FSIP2: variants seen among roughly 807,000 people sequenced by gnomAD.
The protein encoded by FSIP2 is fibrous sheath interacting protein 2.
FSIP2 carries 367 observed loss-of-function variants against 510.5 expected under a neutral mutation model. That is an observed-to-expected ratio of 0.72 (90% CI 0.66 to 0.78). The LOEUF is 0.78. Ranked by LOEUF, FSIP2 falls within the 30% of genes least tolerant of loss-of-function variation. The pLI is 0.00. For missense variants in FSIP2, 7,594 were observed against 7,901.7 expected (o/e 0.96, Z 1.48); for synonymous variants, 2,601 against 2,732.2 (o/e 0.95, Z 1.50).
chr2:185,756,924 T>C (rs991119442), intron 9 of FSIP2, among the ~76,000 whole-genome samples: 1 of 151,310 alleles, frequency 6.6e-6, no homozygotes, highest in Non-Finnish European at 1.5e-5. Flanking sequence ...TCTTCCCGAG[T>C]ATGCAATTTG....
chr2:185,790,388 A>G lies in FSIP2; in HGVS notation c.3252A>G (p.Lys1084=). The G allele has an allele frequency of 3.3e-6, 5 of 1,527,570 alleles. No homozygotes were observed. Among genetic ancestry groups the G allele is most frequent in the South Asian group, 2.4e-5 (2 of 82,116 alleles). 94.6% of individuals were successfully genotyped at this position (1,527,570 alleles called of 1,614,324 possible). ...STNHEDILKK[K]LSSNKDISTF... ...ATCATGAAGATATTTTAAAGAAAAAACTTTCTTCGAATAAAGACATTTCAA... is the reference window on the plus strand; with the variant it reads ...ATCATGAAGATATTTTAAAGAAAAAGCTTTCTTCGAATAAAGACATTTCAA... Residue 1084 remains lysine (K), a synonymous_variant, in exon 16 of 23, where the codon AAA becomes AAG. Coordinates refer to ENST00000424728, the MANE Select transcript of FSIP2 (RefSeq NM_173651.4).
rs1338249372 is a variant in FSIP2, at chr2:185,802,498, A to C, written c.13192A>C (p.Ser4398Arg). 1 of 1,532,734 alleles carries C rather than the reference A, an allele frequency of 6.5e-7. No individual in the cohort carries two copies. The highest frequency in any genetic ancestry group is 1.2e-5 in the South Asian group (1 of 83,738). The allele number at this position is 1,532,734 out of a possible 1,614,324, so 94.9% of individuals were successfully genotyped here. ...TGCTGTTGATAAAGAGTCTGAAGAC[A>C]GTGGCATTTTTGTGGAAAATATTAC... is the stretch of plus-strand genomic sequence containing the variant. ...DLAVDKESED[S>R]GIFVENITNL... Residue 4398 changes from serine (S) to arginine (R), a missense_variant, in exon 17 of 23, where the codon AGT (serine) becomes CGT (arginine). Physicochemically the swap from Ser to Arg is moderately radical, Grantham distance 110. Coordinates refer to ENST00000424728, the MANE Select transcript of FSIP2 (RefSeq NM_173651.4).
intron 13 of FSIP2, among the ~76,000 whole-genome samples, chr2:185,778,467 T>G (rs1444082836): frequency 6.6e-6 from 1 of 152,092 alleles, no homozygotes; most frequent in Non-Finnish European, 1.5e-5. Flanking sequence ...TAAATCATGT[T>G]TAATATCCAA....
rs1231449224 is a variant in FSIP2 at position 185,796,216 on chromosome 2, T to C, written c.9080T>C (p.Leu3027Pro). Residue 3027 changes from leucine to proline, a missense_variant, in exon 16 of 23, where the codon CTT becomes CCT. By Grantham distance (98) the Leu-to-Pro change is moderately conservative (BLOSUM62 -3). Coordinates refer to ENST00000424728, the MANE Select transcript of FSIP2 (RefSeq NM_173651.4). The stretch of plus-strand genomic sequence containing the variant: ...ATTGTGAAAATGCCTATAGAAAACC[T>C]TTCTTCTATCCAACAGAAACTGTTA... ...SEIVKMPIEN[L>P]SSIQQKLLNK... The C allele has an allele frequency of 1.3e-6, 2 of 1,529,790 alleles. No homozygotes were observed. Among genetic ancestry groups the C allele is most frequent in the Middle Eastern group, 1.7e-4 (1 of 5,958 alleles). The allele number at this position is 1,529,790 out of a possible 1,614,324, so 94.8% of individuals were successfully genotyped here. A position where few individuals can be genotyped will look rare whatever the true frequency, so the allele number is the denominator to read the frequency against.
chr2:185,750,476 T>G lies in FSIP2; in HGVS notation c.870+3053T>G, dbSNP rs751820465. On this transcript the variant is annotated intron_variant, in intron 7 of 22. Coordinates refer to ENST00000424728, the MANE Select transcript of FSIP2 (RefSeq NM_173651.4). ...TGGTGATGTCACCCACTTTCCTTACTGATATGGTAATTTGTAACTTCTTTT... is the reference window on the plus strand; with the variant it reads ...TGGTGATGTCACCCACTTTCCTTACGGATATGGTAATTTGTAACTTCTTTT... Among the ~76,000 whole-genome samples the G allele has an allele frequency of 6.6e-5, 10 of 151,580 alleles. 1 individual carries two copies. The highest frequency in any genetic ancestry group is 1.3e-4 in the Non-Finnish European group (9 of 67,694).
chr2:185,754,070 C>T (rs1692197781), intron 8 of FSIP2, among the ~76,000 whole-genome samples: 1 of 151,382 alleles, frequency 6.6e-6, no homozygotes, highest in Admixed American at 6.6e-5. Context: ...CTTGCCTGTA[C>T]TGCATTTGTA....
intron 3 of FSIP2, 88 bp downstream of exon 3, chr2:185,743,382 G>C (rs1691963289): frequency 1.3e-6 from 1 of 764,222 alleles, no homozygotes; most frequent in Non-Finnish European, 1.9e-6. Context: ...CGGGGGGCCT[G>C]TGTCACTTTT....
Position 185,792,947 on chromosome 2 carries a change from ATCTC to A in FSIP2, c.5815_5818del (p.Leu1939PhefsTer22), listed in dbSNP as rs1693173285. Reference sequence around the variant, plus strand: ...AAACTTTTGCTACTTCCAAAGTAAAATCTCTCTTTTATTCTCAAGTCAACTTTAC... The same window carrying A: ...AAACTTTTGCTACTTCCAAAGTAAAATCTTTTATTCTCAAGTCAACTTTAC... On this transcript the variant is annotated frameshift_variant, in exon 16 of 23. Transcript: ENST00000424728. LOFTEE classifies it high-confidence loss of function. 6.5e-7 allele frequency: 1 copy of A among 1,534,156 alleles called. No individual in the cohort carries two copies. The highest frequency in any genetic ancestry group is 1.4e-5 in the African/African-American group (1 of 72,880).
At position 185,802,803 on chromosome 2, in the gene FSIP2, AG is replaced by A; in HGVS notation, c.13498del (p.Val4500Ter). On this transcript the variant is annotated frameshift_variant, in exon 17 of 23. Transcript: ENST00000424728. LOFTEE classifies it high-confidence loss of function. ...GAGACACCCAAAAAGATATATCAAG[AG>A]TGAATTTCAATGACATTGCTTCAAA... ...NRDTQKDISR[V>X]NFNDIASNLV... 1 of 1,521,066 alleles carries A rather than the reference AG, an allele frequency of 6.6e-7. No homozygotes were observed. The allele number at this position is 1,521,066 out of a possible 1,614,324, so 94.2% of individuals were successfully genotyped here.
At chr2:185,815,694 C>A (rs886385898) in intron 19 of FSIP2, among the ~76,000 whole-genome samples, 22 of 151,882 alleles carry the variant, frequency 1.4e-4, no homozygotes, top group Admixed American at 1.3e-3. Flanking sequence ...GTTTTCAAAC[C>A]AGTTTCTAGT....
At chr2:185,770,101 G>C (rs190872170) in intron 13 of FSIP2, among the ~76,000 whole-genome samples, 78 of 152,154 alleles carry the variant, frequency 5.1e-4, no homozygotes, top group Non-Finnish European at 8.4e-4. Flanking sequence ...TTTTCTTGTT[G>C]TGTGAAGAAT....
Position 185,797,013 on chromosome 2 carries a change from G to C in FSIP2, c.9877G>C (p.Glu3293Gln), listed in dbSNP as rs748234391. 1.3e-5 allele frequency: 20 copies of C among 1,535,112 alleles called. No individual in the cohort carries two copies. The highest frequency in any genetic ancestry group is 3.9e-5 in the Admixed American group (2 of 50,916). ...ATTAAAGCAAGTCTTGTCATTCATA[G>C]AAATGGGAAAAGGTGAAAATCTAAG... ...AALKQVLSFI[E>Q]MGKGENLRVF... The change falls in exon 16 of 23, where the codon GAA becomes CAA. Residue 3293 changes from glutamate to glutamine, a missense_variant. Glu to Gln is a conservative substitution (Grantham distance 29). Transcript: ENST00000424728.
At chr2:185,758,467 A>C (rs1012757483) in intron 9 of FSIP2, among the ~76,000 whole-genome samples, 1 of 151,382 alleles carries the variant, frequency 6.6e-6, no homozygotes, top group African/African-American at 2.4e-5. Context: ...TATATACTAT[A>C]ATCTTACAAT....
intron 11 of FSIP2, among the ~76,000 whole-genome samples, chr2:185,762,642 C>T (rs1400386853): frequency 1.3e-5 from 2 of 151,216 alleles, no homozygotes; most frequent in African/African-American, 4.8e-5. Flanking sequence ...TCTAAAAGTT[C>T]ACATTTTCTG....
At chr2:185,745,884 A>T (rs1435287228) in intron 5 of FSIP2, among the ~76,000 whole-genome samples, 1 of 152,180 alleles carries the variant, frequency 6.6e-6, no homozygotes, top group African/African-American at 2.4e-5. Context: ...ATTCATCTTT[A>T]AGAACTGACA....
At position 185,796,365 on chromosome 2, in the gene FSIP2, C is replaced by A; in HGVS notation, c.9229C>A (p.Gln3077Lys). 1 of 1,533,688 alleles carries A rather than the reference C, an allele frequency of 6.5e-7. No homozygotes were observed. Among genetic ancestry groups the A allele is most frequent in the Non-Finnish European group, 8.7e-7 (1 of 1,145,126 alleles). Reference protein sequence around the residue: ...ILLRVHSFHSQLLTYAVNIIS... With the variant: ...ILLRVHSFHSKLLTYAVNIIS... ...TCTACGGGTTCATTCATTCCATTCA[C>A]AATTACTTACATATGCTGTTAATAT... The change falls in exon 16 of 23, where the codon CAA becomes AAA. Residue 3077 changes from glutamine to lysine, a missense_variant. Gln to Lys is a moderately conservative substitution (Grantham distance 53). Coordinates refer to ENST00000424728, the MANE Select transcript of FSIP2 (RefSeq NM_173651.4).
At chr2:185,765,211 TAAGAC>T (rs1692442170) in intron 13 of FSIP2, 1 of 152,014 alleles carries the variant, frequency 6.6e-6, no homozygotes, top group African/African-American at 2.4e-5. Flanking sequence ...AACACCATCA[TAAGAC>T]AAGGAGAATC....
rs917332766 is a variant in FSIP2, at chr2:185,799,789, A to C, written c.10483A>C (p.Ile3495Leu). ...AAGAAACATATACGATGATTCTTCA[A>C]TTTATCAATGTTGTGAACATCTCAC... The part of the protein sequence containing the change: ...FLRNIYDDSS[I>L]YQCCEHLTES... Residue 3495 changes from isoleucine (I) to leucine (L), a missense_variant, in exon 17 of 23, where the codon ATT becomes CTT. Coordinates refer to ENST00000424728, the MANE Select transcript of FSIP2 (RefSeq NM_173651.4). 5 of 1,528,584 alleles carry C rather than the reference A, an allele frequency of 3.3e-6. No homozygotes were observed. The African/African-American group carries it at 6.9e-5, about 21-fold the overall frequency. 94.7% of individuals were successfully genotyped at this position (1,528,584 alleles called of 1,614,324 possible). A position where few individuals can be genotyped will look rare whatever the true frequency, so the allele number is the denominator to read the frequency against.
At chr2:185,739,285 GT>G (rs1474341769) in intron 1 of FSIP2, 60 bp from the exon 2 acceptor site, 35 of 1,458,266 alleles carry the variant, frequency 2.4e-5, no homozygotes, top group Non-Finnish European at 3.0e-5. Context: ...AAGTAGATTG[GT>G]CTAAACTAAA....
Sources: gnomAD v4.1 joint callset for allele counts (sites outside exome capture counted in the v4.1 genomes callset) on GRCh38, gnomAD v4.1.1 for gene constraint, MANE v1.5 for transcripts, NCBI Gene and HGNC (gene_info 2026-07-23, HGNC 2026-07-21) for gene names.